Variants in SHB observed in about 807,000 individuals in gnomAD.
The protein encoded by SHB is SH2 domain-containing adapter protein B.
SHB carries 20 observed loss-of-function variants against 52.3 expected under a neutral mutation model. The ratio of observed to expected loss-of-function variants is 0.38; its 90% CI spans 0.27 to 0.56. The LOEUF (loss-of-function observed/expected upper bound fraction) is 0.56. SHB is among the 20% of genes least tolerant of loss of function. The pLI, the probability that SHB is intolerant of heterozygous loss-of-function variation, is 0.71. For missense variants in SHB, 825 were observed against 723.3 expected, an observed-to-expected ratio of 1.14 and a Z score of -1.61; for synonymous variants, 397 against 316.5, an observed-to-expected ratio of 1.25 and a Z score of -2.70.
chr9:38,015,370 A>G, intron 2 of SHB: 1 of 702,196 alleles, frequency 1.4e-6, no homozygotes, highest in Non-Finnish European at 2.6e-6. Flanking sequence ...AGGATGCTGC[A>G]TACCCAGCCA....
chr9:37,982,053 T>C (rs539717918), intron 2 of SHB, among the ~76,000 whole-genome samples: 5 of 150,266 alleles, frequency 3.3e-5, no homozygotes, highest in East Asian at 1.9e-4. Flanking sequence ...ATGATGCTGA[T>C]AGACTTACTT....
At position 37,974,786 on chromosome 9, in the gene SHB, T is replaced by C. The variant is rs369501171; in HGVS notation, c.890A>G (p.Tyr297Cys). 2 of 1,614,010 alleles carry C rather than the reference T, an allele frequency of 1.2e-6. No homozygotes were observed. Among genetic ancestry groups the C allele is most frequent in the East Asian group, 2.2e-5 (1 of 44,884 alleles). ...VRSQHKGIQL[Y>C]DTPYEPEGQS... ...GCCTTCAGGTTCGTAAGGGGTGTCA[T>C]ATAACTGGATACCTTTATGCTGGGA... Residue 297 changes from tyrosine (Y) to cysteine (C), a missense_variant, in exon 3 of 6, where the codon TAT becomes TGT. Physicochemically the swap from Tyr to Cys is radical, Grantham distance 194 (BLOSUM62 -2). Coordinates refer to ENST00000377707, the MANE Select transcript of SHB (RefSeq NM_003028.3).
chr9:38,061,817 C>T (rs1374857896), intron 1 of SHB, among the ~76,000 whole-genome samples: 1 of 152,152 alleles, frequency 6.6e-6, no homozygotes, highest in Non-Finnish European at 1.5e-5. Context: ...ACACACAGCC[C>T]GGCAAATCCT....
At chr9:38,055,697 T>C (rs564810217) in intron 1 of SHB, among the ~76,000 whole-genome samples, 32 of 152,264 alleles carry the variant, frequency 2.1e-4, no homozygotes, top group African/African-American at 7.2e-4. Context: ...GCACCCAGGC[T>C]TAACTGTCTC....
intron 1 of SHB, among the ~76,000 whole-genome samples, chr9:38,043,233 A>C (rs1821604063): frequency 6.6e-6 from 1 of 152,128 alleles, no homozygotes; most frequent in South Asian, 2.1e-4. Flanking sequence ...CTCTGCCCCC[A>C]GCTTCTCTCT....
chr9:37,945,071 CG>C (rs1832477168), intron 5 of SHB, among the ~76,000 whole-genome samples: 1 of 152,102 alleles, frequency 6.6e-6, no homozygotes, highest in Non-Finnish European at 1.5e-5. Flanking sequence ...GAAGGGTGCA[CG>C]GGGTGTCCTC....
chr9:38,068,934 G>A lies in SHB; in HGVS notation c.-289C>T, dbSNP rs540344694. 3 of 151,916 alleles carry A rather than the reference G, an allele frequency of 2.0e-5. No individual in the cohort carries two copies. Among genetic ancestry groups the A allele is most frequent in the East Asian group, 2.0e-4 (1 of 5,078 alleles). 9.4% of individuals were successfully genotyped at this position (151,916 alleles called of 1,614,324 possible). The stretch of plus-strand genomic sequence containing the variant: ...TCCCGGCCCACGCCCGGGGGAGAGC[G>A]GAAGGTCCGAGCGCTCCACGCCGCG... On this transcript the variant is annotated 5_prime_UTR_variant, in exon 1 of 6. Transcript: ENST00000377707.
At chr9:37,977,499 T>A (rs1015868739) in intron 2 of SHB, among the ~76,000 whole-genome samples, 8 of 152,352 alleles carry the variant, frequency 5.3e-5, no homozygotes, top group African/African-American at 1.7e-4. Flanking sequence ...ACAGCTTTTA[T>A]TGGGTCCCAT....
In SHB at chr9:37,917,882, A is replaced by G. The variant is rs1832121168; in HGVS notation, c.*1939T>C. Among the ~76,000 whole-genome samples the G allele has an allele frequency of 6.6e-6, 1 of 152,244 alleles. No individual in the cohort carries two copies. The highest frequency in any genetic ancestry group is 1.5e-5 in the Non-Finnish European group (1 of 68,038). On this transcript the variant is annotated 3_prime_UTR_variant, in exon 6 of 6. Transcript: ENST00000377707. ...CAGACAAGGCCTGGGAGGAAGACCCAAGAGGCAGACTGGTCACTAAAGGCG... is the reference window on the plus strand; with the variant it reads ...CAGACAAGGCCTGGGAGGAAGACCCGAGAGGCAGACTGGTCACTAAAGGCG...
intron 1 of SHB, among the ~76,000 whole-genome samples, chr9:38,050,428 G>C (rs1263720548): frequency 6.6e-6 from 1 of 152,150 alleles, no homozygotes; most frequent in Non-Finnish European, 1.5e-5. Context: ...ACCTACCTTT[G>C]AAATTCAAAT....
At chr9:38,026,836 G>A (rs1030102678) in intron 1 of SHB, among the ~76,000 whole-genome samples, 2 of 152,164 alleles carry the variant, frequency 1.3e-5, no homozygotes, top group African/African-American at 2.4e-5. Context: ...GGTGTTTATC[G>A]CTGTTCAGTC....
rs761647483 is a variant in SHB at position 37,955,946 on chromosome 9, C to A, written c.1163G>T (p.Ser388Ile). 6 of 1,613,212 alleles carry A rather than the reference C, an allele frequency of 3.7e-6. No homozygotes were observed. The highest frequency in any genetic ancestry group is 1.1e-5 in the South Asian group (1 of 90,584). Reference sequence around the variant, plus strand: ...TCCTAGGATCCCGCAGAACTCAGGGCTCCCATGTTTGATAGGCTTAAAGCC... The same window carrying A: ...TCCTAGGATCCCGCAGAACTCAGGGATCCCATGTTTGATAGGCTTAAAGCC... ...GGGFKPIKHG[S>I]PEFCGILGER... Residue 388 changes from serine to isoleucine, a missense_variant, in exon 4 of 6, where the codon AGC becomes ATC. Coordinates refer to ENST00000377707, the MANE Select transcript of SHB (RefSeq NM_003028.3).
At chr9:38,004,710 G>A (rs544995356) in intron 2 of SHB, among the ~76,000 whole-genome samples, 14 of 152,230 alleles carry the variant, frequency 9.2e-5, no homozygotes, top group Non-Finnish European at 1.9e-4. Context: ...GTAGCTTCAC[G>A]GAGGGCTGTG....
intron 5 of SHB, among the ~76,000 whole-genome samples, chr9:37,931,134 TA>T (rs908377095): frequency 6.6e-6 from 1 of 152,118 alleles, no homozygotes; most frequent in Non-Finnish European, 1.5e-5. Flanking sequence ...ATAAAAGACC[TA>T]AATATAAAAA....
chr9:38,051,049 G>A (rs1564110926), intron 1 of SHB, among the ~76,000 whole-genome samples: 1 of 152,244 alleles, frequency 6.6e-6, no homozygotes, highest in East Asian at 1.9e-4. Context: ...CCTCAAAACA[G>A]TTTGCCTGGA....
intron 1 of SHB, among the ~76,000 whole-genome samples, chr9:38,033,317 C>T (rs1433408083): frequency 6.6e-6 from 1 of 152,148 alleles, no homozygotes; most frequent in African/African-American, 2.4e-5. Flanking sequence ...GCCCATTTAT[C>T]AGGGATAACA....
At chr9:38,063,939 G>C (rs1228506240) in intron 1 of SHB, among the ~76,000 whole-genome samples, 1 of 151,820 alleles carries the variant, frequency 6.6e-6, no homozygotes, top group Non-Finnish European at 1.5e-5. Flanking sequence ...TGGGAAAACT[G>C]ATGTCATGAT....
rs779447389 is a variant in SHB, at chr9:38,068,172, A to G, written c.474T>C (p.Ser158=). The G allele has an allele frequency of 7.0e-7, 1 of 1,437,970 alleles. No individual in the cohort carries two copies. The highest frequency in any genetic ancestry group is 3.1e-5 in the Admixed American group (1 of 31,848). The allele number at this position is 1,437,970 out of a possible 1,614,324, so 89.1% of individuals were successfully genotyped here. A position where few individuals can be genotyped will look rare whatever the true frequency, so the allele number is the denominator to read the frequency against. Residue 158 remains serine, a synonymous_variant, in exon 1 of 6, where the codon TCT becomes TCC. Transcript: ENST00000377707. ...CGCTGCTGCTGCGGTAGAGATGCGG[A>G]GAGCCGGAGGACGAGGACGAGGACG... The part of the protein sequence containing the change: ...AAASSSSSSG[S]PHLYRSSSER...
chr9:38,059,018 CA>C (rs1288161941), intron 1 of SHB, among the ~76,000 whole-genome samples: 1 of 152,238 alleles, frequency 6.6e-6, no homozygotes, highest in Non-Finnish European at 1.5e-5. Context: ...AGAGCAAGCT[CA>C]GGGGAGCATA....
Sources: gnomAD v4.1 joint callset for allele counts (sites outside exome capture counted in the v4.1 genomes callset) on GRCh38, gnomAD v4.1.1 for gene constraint, MANE v1.5 for transcripts, NCBI Gene and HGNC (gene_info 2026-07-23, HGNC 2026-07-21) for gene names.